OSBP2: variants seen among roughly 807,000 people sequenced by gnomAD.
OSBP2 encodes oxysterol-binding protein 2.
In OSBP2, 66 loss-of-function variants were observed where a neutral mutation model predicts 96.0. That is an observed-to-expected ratio of 0.69 (90% CI 0.56 to 0.84). OSBP2 has a LOEUF of 0.84. OSBP2 is among the 40% of genes least tolerant of loss of function. The pLI, the probability that OSBP2 is intolerant of heterozygous loss-of-function variation, is 0.00. For synonymous variants in OSBP2, 525 were observed against 520.9 expected (o/e 1.01, Z -0.11); for missense variants, 1,038 against 1,222.7 (o/e 0.85, Z 2.25).
rs530006575 is a variant in OSBP2, at chr22:30,795,669, G to T, written c.853+54300G>T. Among the ~76,000 whole-genome samples the T allele has an allele frequency of 1.1e-4, 17 of 152,044 alleles. No individual in the cohort carries two copies. The South Asian group carries it at 2.5e-3, about 22-fold the overall frequency. ...CAAGTAGCTGGGATTACAGGCATGC[G>T]CCACCACGCCCAGCTAATTTTGTAT... On this transcript the variant is annotated intron_variant, in intron 2 of 13. Coordinates refer to ENST00000332585, the MANE Select transcript of OSBP2 (RefSeq NM_030758.4).
Position 30,906,192 on chromosome 22 carries a change from A to G in OSBP2, c.2609-5A>G. The G allele has an allele frequency of 6.2e-7, 1 of 1,613,952 alleles. No individual in the cohort carries two copies. Among genetic ancestry groups the G allele is most frequent in the Non-Finnish European group, 8.5e-7 (1 of 1,180,000 alleles). On this transcript the variant is annotated splice_region_variant and splice_polypyrimidine_tract_variant and intron_variant, in intron 13 of 13. Transcript: ENST00000332585. ...ACCCACCAGCCCACTGTGCCTGCCC[A>G]GCAGAGAAGGAGGCGGATGCCTACA... is the stretch of plus-strand genomic sequence containing the variant.
intron 2 of OSBP2, chr22:30,764,440 C>T (rs2090245727): frequency 1.4e-5 from 14 of 969,634 alleles, no homozygotes; most frequent in Non-Finnish European, 1.6e-5. Context: ...TGTGATCCCA[C>T]TGAGGTGGAA....
At chr22:30,701,369 A>G (rs1186593295) in intron 1 of OSBP2, among the ~76,000 whole-genome samples, 3 of 131,534 alleles carry the variant, frequency 2.3e-5, no homozygotes, top group African/African-American at 8.5e-5. Context: ...TTTGAGACAG[A>G]GTCTCGCTCT....
chr22:30,808,678 G>A (rs1385075301), intron 2 of OSBP2, among the ~76,000 whole-genome samples: 1 of 152,138 alleles, frequency 6.6e-6, no homozygotes, highest in African/African-American at 2.4e-5. Flanking sequence ...ACTTATGCCG[G>A]GCGTGGTGGC....
rs764666088 is a variant in OSBP2, at chr22:30,695,049, G to A, written c.140G>A (p.Gly47Glu). 1.3e-5 allele frequency: 20 copies of A among 1,590,830 alleles called. No individual in the cohort carries two copies. The highest frequency in any genetic ancestry group is 1.7e-4 in the Middle Eastern group (1 of 5,918). The part of the protein sequence containing the change: ...PGMSASTSGS[G>E]PEPKPQPQPV... ...ATGAGCGCTTCCACGTCCGGCTCCGGGCCGGAGCCCAAGCCCCAGCCCCAG... is the reference window on the plus strand; with the variant it reads ...ATGAGCGCTTCCACGTCCGGCTCCGAGCCGGAGCCCAAGCCCCAGCCCCAG... Residue 47 changes from glycine (G) to glutamate (E), a missense_variant, in exon 1 of 14, where the codon GGG becomes GAG. By Grantham distance (98) the Gly-to-Glu change is moderately conservative. This residue lies in a region of OSBP2 where 281 missense variants were observed against 273.4 expected (regional missense o/e 1.03). Coordinates refer to ENST00000332585, the MANE Select transcript of OSBP2 (RefSeq NM_030758.4).
intron 2 of OSBP2, among the ~76,000 whole-genome samples, chr22:30,851,397 T>G (rs2038975264): frequency 6.6e-6 from 1 of 152,224 alleles, no homozygotes; most frequent in African/African-American, 2.4e-5. Flanking sequence ...AGTTGTTCAT[T>G]GCTAGTATTT....
At chr22:30,905,816 C>T (rs2040320963) in intron 12 of OSBP2, 21 bp from the exon 13 acceptor site, 1 of 1,610,380 alleles carries the variant, frequency 6.2e-7, no homozygotes, top group African/African-American at 1.3e-5. Flanking sequence ...GCCACCGCCA[C>T]CGCCACCACC....
chr22:30,854,306 C>CT (rs10618386), intron 2 of OSBP2, among the ~76,000 whole-genome samples: 15 of 102,980 alleles, frequency 1.5e-4, no homozygotes, highest in Admixed American at 3.1e-4. Context: ...ATACAGTTAT[C>CT]TTTTTTTTTT....
chr22:30,849,141 G>A (rs537629089), intron 2 of OSBP2, among the ~76,000 whole-genome samples: 29 of 152,142 alleles, frequency 1.9e-4, no homozygotes, highest in East Asian at 5.8e-4. Flanking sequence ...GATGGTGCAC[G>A]CCTGTAGTCC....
chr22:30,812,036 G>A (rs2091015513), intron 2 of OSBP2, among the ~76,000 whole-genome samples: 1 of 149,488 alleles, frequency 6.7e-6, no homozygotes, highest in Non-Finnish European at 1.5e-5. Flanking sequence ...TTTATTTTTT[G>A]TAGAGACAGG....
intron 2 of OSBP2, among the ~76,000 whole-genome samples, chr22:30,835,718 CT>C (rs538763182): frequency 0.076 from 10,006 of 132,066 alleles, 335 homozygotes; most frequent in Non-Finnish European, 0.086. Context: ...TATGTAGTTA[CT>C]TTTTTTTTTT....
At chr22:30,697,897 T>C (rs2089078314) in intron 1 of OSBP2, among the ~76,000 whole-genome samples, 1 of 152,202 alleles carries the variant, frequency 6.6e-6, no homozygotes, top group South Asian at 2.1e-4. Context: ...TGAACCTCAA[T>C]GGCCTCCCCA....
At chr22:30,781,353 A>G (rs1205025559) in intron 2 of OSBP2, among the ~76,000 whole-genome samples, 2 of 152,038 alleles carry the variant, frequency 1.3e-5, no homozygotes, top group Non-Finnish European at 2.9e-5. Context: ...CTCAAAAAGC[A>G]GCAGCCCTGC....
intron 2 of OSBP2, among the ~76,000 whole-genome samples, chr22:30,791,321 CTTTTTTTTT>C (rs869143598): frequency 1.1e-4 from 7 of 64,010 alleles, no homozygotes; most frequent in South Asian, 5.7e-4. Context: ...GGGGATTCTT[CTTTTTTTTT>C]TTTTTTTTTT....
At chr22:30,902,499 T>C in intron 12 of OSBP2, 1 of 1,562,014 alleles carries the variant, frequency 6.4e-7, no homozygotes, top group South Asian at 1.1e-5. Context: ...GTGTACCAGA[T>C]GACGAAGCTT....
chr22:30,821,533 T>TG (rs547127628), intron 2 of OSBP2, among the ~76,000 whole-genome samples: 6 of 150,392 alleles, frequency 4.0e-5, no homozygotes, highest in Admixed American at 1.3e-4. Context: ...CTAGCTGAGG[T>TG]GGGGAGGGTT....
At chr22:30,694,133 G>A (rs1174167176), upstream of OSBP2, 1 of 1,549,952 alleles carries the variant, frequency 6.5e-7, no homozygotes, top group Non-Finnish European at 8.7e-7. Flanking sequence ...GGAGGTCCAA[G>A]TTCAGAATCC....
chr22:30,884,828 T>C (rs1243227225), intron 3 of OSBP2, among the ~76,000 whole-genome samples: 4 of 152,070 alleles, frequency 2.6e-5, no homozygotes, highest in Non-Finnish European at 5.9e-5. Flanking sequence ...CCCCGGTAGG[T>C]GTCACTTGGC....
Position 30,741,703 on chromosome 22 carries a change from G to A in OSBP2, c.853+334G>A, listed in dbSNP as rs62235894. The stretch of plus-strand genomic sequence containing the variant: ...AGTCAGTCTGTGCCTCAAGCCAGCC[G>A]TTTCCCCAGGTTCCCCCATCGTGGA... On this transcript the variant is annotated intron_variant, in intron 2 of 13. Transcript: ENST00000332585. Among the ~76,000 whole-genome samples, 870 of 152,252 alleles carry A rather than the reference G, an allele frequency of 5.7e-3. 11 individuals carry two copies. Among genetic ancestry groups the A allele is most frequent in the South Asian group, 0.015 (72 of 4,818 alleles).
Sources: gnomAD v4.1 joint callset for allele counts (sites outside exome capture counted in the v4.1 genomes callset) on GRCh38, gnomAD v4.1.1 for gene constraint, gnomAD v4.1.1 regional missense constraint, MANE v1.5 for transcripts, NCBI Gene and HGNC (gene_info 2026-07-23, HGNC 2026-07-21) for gene names.